LATS1: variants seen among roughly 807,000 people sequenced by gnomAD.
LATS1 encodes large tumor suppressor kinase 1.
Under a neutral mutation model 106.6 loss-of-function variants are expected in LATS1, and 25 were observed. The ratio of observed to expected loss-of-function variants is 0.23; its 90% CI spans 0.17 to 0.33. The LOEUF (loss-of-function observed/expected upper bound fraction) is 0.33. LATS1 is among the 10% of genes least tolerant of loss of function. LATS1 has a pLI of 1.00. For synonymous variants in LATS1, 465 were observed against 455.6 expected, an observed-to-expected ratio of 1.02 and a Z score of -0.26; for missense variants, 1,040 against 1,382.6, an observed-to-expected ratio of 0.75 and a Z score of 3.93.
intron 1 of LATS1, among the ~76,000 whole-genome samples, chr6:149,713,911 C>T (rs180837181): frequency 3.1e-4 from 47 of 152,180 alleles, no homozygotes; most frequent in African/African-American, 1.1e-3. Flanking sequence ...CCACCTGCCT[C>T]GGCCTCCCGA....
In LATS1 at chr6:149,695,079, T is replaced by G; in HGVS notation, c.491A>C (p.Lys164Thr). The G allele has an allele frequency of 6.3e-7, 1 of 1,590,502 alleles. No individual in the cohort carries two copies. The highest frequency in any genetic ancestry group is 2.3e-5 in the East Asian group (1 of 44,342). Residue 164 changes from lysine (K) to threonine (T), a missense_variant, in exon 3 of 8, where the codon AAA becomes ACA. By Grantham distance (78) the Lys-to-Thr change is moderately conservative. Transcript: ENST00000543571. Reference protein sequence around the residue: ...AAARPINASMKPGNVQQSVNR... With the variant: ...AAARPINASMTPGNVQQSVNR... ...TAAAATATTTGATTAATCACCTGGTTTCATGCTGGCATTAATAGGTCTGGC... is the reference window on the plus strand; with the variant it reads ...TAAAATATTTGATTAATCACCTGGTGTCATGCTGGCATTAATAGGTCTGGC...
chr6:149,717,162 A>G lies in LATS1; in HGVS notation c.-141+687T>C, dbSNP rs867191148. Among the ~76,000 whole-genome samples the G allele has an allele frequency of 2.0e-5, 3 of 152,226 alleles. No homozygotes were observed. In the South Asian group the frequency reaches 6.2e-4, roughly 31 times the overall value. On this transcript the variant is annotated intron_variant, in intron 1 of 7. Coordinates refer to ENST00000543571, the MANE Select transcript of LATS1 (RefSeq NM_004690.4). ...AAAAGCCGTATTAACATATGAGTTG[A>G]CAAACATTAAATTTTGTTCCCTTAG...
At chr6:149,679,811 T>A in intron 5 of LATS1, 64 bp downstream of exon 5, 2 of 1,203,364 alleles carry the variant, frequency 1.7e-6, no homozygotes, top group Non-Finnish European at 2.3e-6. Context: ...CATCTTATAT[T>A]TTACTACATC....
At chr6:149,669,563 C>T (rs759384091) in intron 7 of LATS1, among the ~76,000 whole-genome samples, 14 of 151,908 alleles carry the variant, frequency 9.2e-5, no homozygotes, top group Non-Finnish European at 1.8e-4. Flanking sequence ...AGTTCAAGAC[C>T]AGCCTGGGCA....
Position 149,683,360 on chromosome 6 carries a change from T to C in LATS1, c.1729A>G (p.Ser577Gly), listed in dbSNP as rs768555460. 1 of 1,614,218 alleles carries C rather than the reference T, an allele frequency of 6.2e-7. No homozygotes were observed. Among genetic ancestry groups the C allele is most frequent in the South Asian group, 1.1e-5 (1 of 91,084 alleles). Residue 577 changes from serine (S) to glycine (G), a missense_variant, in exon 4 of 8, where the codon AGT becomes GGT. By Grantham distance (56) the Ser-to-Gly change is moderately conservative. Transcript: ENST00000543571. ...NPSVPPYESI[S>G]KPSKEDQPSL... is the part of the protein sequence containing the mutation. Reference sequence around the variant, plus strand: ...GGCTGATCCTCTTTGCTAGGCTTACTGATTGACTCGTATGGAGGAACAGAT... The same window carrying C: ...GGCTGATCCTCTTTGCTAGGCTTACCGATTGACTCGTATGGAGGAACAGAT...
At chr6:149,665,423 G>A (rs1004731730) in intron 7 of LATS1, among the ~76,000 whole-genome samples, 1 of 152,124 alleles carries the variant, frequency 6.6e-6, no homozygotes, top group African/African-American at 2.4e-5. Flanking sequence ...TCTGTTGCTC[G>A]TTTTCTCTCT....
chr6:149,679,831 CATT>C (rs761457821), intron 5 of LATS1, 41 bp downstream of exon 5: 1 of 1,328,362 alleles, frequency 7.5e-7, no homozygotes, highest in East Asian at 2.4e-5. Flanking sequence ...CAATAAATTA[CATT>C]ATTATGAACA....
intron 7 of LATS1, among the ~76,000 whole-genome samples, chr6:149,663,304 G>A (rs1414449231): frequency 2.0e-5 from 3 of 152,124 alleles, no homozygotes; most frequent in South Asian, 2.1e-4. Flanking sequence ...GCAACATGGT[G>A]AAACCCCATA....
intron 2 of LATS1, 139 bp downstream of exon 2, chr6:149,701,640 T>C: frequency 5.3e-6 from 3 of 561,102 alleles, no homozygotes; most frequent in East Asian, 2.9e-5. Context: ...AAACGTAACA[T>C]TCTTTGCTGA....
At chr6:149,707,193 T>G (rs372560387) in intron 1 of LATS1, among the ~76,000 whole-genome samples, 3 of 151,848 alleles carry the variant, frequency 2.0e-5, no homozygotes, top group East Asian at 1.9e-4. Flanking sequence ...TTTTTGTATT[T>G]TTAGTAGAGA....
At chr6:149,678,164 CA>C (rs56884854) in intron 5 of LATS1, among the ~76,000 whole-genome samples, 2,308 of 43,456 alleles carry the variant, frequency 0.053, 719 homozygotes, top group African/African-American at 0.17. Context: ...ACTAAAAATC[CA>C]AAAAAAAAAA....
In LATS1 at chr6:149,683,664, G is replaced by A; in HGVS notation, c.1425C>T (p.His475=). 1.9e-6 allele frequency: 3 copies of A among 1,614,184 alleles called. No individual in the cohort carries two copies. The highest frequency in any genetic ancestry group is 2.5e-6 in the Non-Finnish European group (3 of 1,180,028). ...FNNPLGNRAS[H]SANSQPSATT... is the part of the protein sequence containing the mutation. ...TAGCAGAAGGCTGAGAATTAGCAGA[G>A]TGACTTGCTCTATTTCCTAATGGGT... The change falls in exon 4 of 8, where the codon CAC becomes CAT. Residue 475 remains histidine, a synonymous_variant. Coordinates refer to ENST00000543571, the MANE Select transcript of LATS1 (RefSeq NM_004690.4).
chr6:149,706,113 G>A (rs1783746588), intron 1 of LATS1, among the ~76,000 whole-genome samples: 1 of 143,778 alleles, frequency 7.0e-6, no homozygotes, highest in South Asian at 2.2e-4. Context: ...AACCCGGGAG[G>A]TGGAGGTTGT....
intron 7 of LATS1, among the ~76,000 whole-genome samples, chr6:149,674,369 C>T (rs1434763163): frequency 6.6e-6 from 1 of 151,832 alleles, no homozygotes; most frequent in African/African-American, 2.4e-5. Context: ...TGAGCCACCA[C>T]ACCCAGCCAA....
chr6:149,702,212 C>G lies in LATS1; in HGVS notation c.-86G>C, dbSNP rs4870509. On this transcript the variant is annotated 5_prime_UTR_variant, in exon 2 of 8. Transcript: ENST00000543571. The stretch of plus-strand genomic sequence containing the variant: ...TCTTCTGAGCAAAAGTGAAAATGAT[C>G]CTTCAAGGAAGTCCCCAGGACTGTT... 0.37 allele frequency: 303,705 copies of G among 812,642 alleles called. 64,022 individuals carry two copies. The highest frequency in any genetic ancestry group is 0.77 in the East Asian group (30,839 of 40,168). 50.3% of individuals were successfully genotyped at this position (812,642 alleles called of 1,614,324 possible). A position where few individuals can be genotyped will look rare whatever the true frequency, so the allele number is the denominator to read the frequency against.
intron 1 of LATS1, among the ~76,000 whole-genome samples, chr6:149,709,003 G>A (rs1434742430): frequency 6.6e-6 from 1 of 152,150 alleles, no homozygotes; most frequent in Non-Finnish European, 1.5e-5. Context: ...AAAAAAGGGG[G>A]AAGACATCAG....
rs56884854 is a variant in LATS1, at chr6:149,678,164, C to CAAAAAAAAAAAAAAAAAAAAAAAAAAAA, written c.2594-1455_2594-1428dup. Among the ~76,000 whole-genome samples the CAAAAAAAAAAAAAAAAAAAAAAAAAAAA allele has an allele frequency of 4.6e-5, 2 of 43,508 alleles. 1 individual carries two copies. The highest frequency in any genetic ancestry group is 8.3e-5 in the Non-Finnish European group (2 of 23,986). 28.5% of individuals were successfully genotyped at this position (43,508 alleles called of 152,430 possible). On this transcript the variant is annotated intron_variant, in intron 5 of 7. Coordinates refer to ENST00000543571, the MANE Select transcript of LATS1 (RefSeq NM_004690.4). The stretch of plus-strand genomic sequence containing the variant: ...TGAAACCTGGTCTCTACTAAAAATC[C>CAAAAAAAAAAAAAAAAAAAAAAAAAAAA]AAAAAAAAAAAAAAAAAAAAAAAAA...
chr6:149,698,324 A>T lies in LATS1; in HGVS notation c.349-3103T>A, dbSNP rs527270287. Among the ~76,000 whole-genome samples the T allele has an allele frequency of 1.6e-4, 24 of 149,594 alleles. No homozygotes were observed. In the East Asian group the frequency reaches 4.8e-3, roughly 30 times the overall value. On this transcript the variant is annotated intron_variant, in intron 2 of 7. Transcript: ENST00000543571. ...AGTGGTGCAACCACAACTCATTGCG[A>T]CCCAATCTCCTGGGTTTGAGTGATC...
chr6:149,687,871 CTCTTT>C (rs1475887309), intron 3 of LATS1, among the ~76,000 whole-genome samples: 1 of 149,288 alleles, frequency 6.7e-6, no homozygotes, highest in African/African-American at 2.5e-5. Context: ...CTTGACCCTC[CTCTTT>C]TTTTTTTTTT....
Sources: allele counts gnomAD v4.1 joint callset (sites outside exome capture counted in the v4.1 genomes callset), GRCh38; gene constraint gnomAD v4.1.1; transcripts MANE v1.5; gene names NCBI Gene and HGNC (gene_info 2026-07-23, HGNC 2026-07-21).